BLTP1: variants seen among roughly 807,000 people sequenced by gnomAD.
The protein encoded by BLTP1 is bridge-like lipid transfer protein family member 1.
chr4:122,157,359 T>G, the BLTP1 span, among the ~76,000 whole-genome samples: 2 of 152,112 alleles, frequency 1.3e-5, no homozygotes, highest in African/African-American at 4.8e-5. Flanking sequence ...GTCCTCAACC[T>G]TTTTGGCACT....
At chr4:122,242,416 G>A in the BLTP1 span, among the ~76,000 whole-genome samples, 8 of 152,132 alleles carry the variant, frequency 5.3e-5, no homozygotes, top group Non-Finnish European at 1.0e-4. Flanking sequence ...TAGAATCTAA[G>A]CAAGCTCTTA....
At chr4:122,271,549 TGTG>T in the BLTP1 span, 10 of 1,613,448 alleles carry the variant, frequency 6.2e-6, no homozygotes, top group East Asian at 2.2e-5. Flanking sequence ...GTTCAAAAGA[TGTG>T]GTGGATCACA....
the BLTP1 span, chr4:122,161,004 C>T: frequency 1.4e-5 from 3 of 212,642 alleles, no homozygotes; most frequent in African/African-American, 7.1e-5. Context: ...TGTGATTGTG[C>T]AGAGTACATA....
chr4:122,300,946 A>C, the BLTP1 span: 1 of 983,656 alleles, frequency 1.0e-6, no homozygotes, highest in Non-Finnish European at 1.2e-6. Context: ...CTCTCTTAAT[A>C]GTAACTTCAC....
the BLTP1 span, among the ~76,000 whole-genome samples, chr4:122,308,348 C>A: frequency 2.0e-5 from 3 of 152,152 alleles, no homozygotes; most frequent in African/African-American, 7.2e-5. Context: ...TCTCATGGGA[C>A]TTTTCTCTGA....
chr4:122,292,626 G>GA, the BLTP1 span: 2 of 926,604 alleles, frequency 2.2e-6, no homozygotes, highest in African/African-American at 3.6e-5. Flanking sequence ...AGTGAAAATT[G>GA]AAAAAGAATC....
chr4:122,228,864 G>T, the BLTP1 span, among the ~76,000 whole-genome samples: 1 of 152,100 alleles, frequency 6.6e-6, no homozygotes, highest in African/African-American at 2.4e-5. Flanking sequence ...TCTATGTATT[G>T]TCCATTAGAC....
At chr4:122,185,956 G>A in the BLTP1 span, 3 of 1,117,746 alleles carry the variant, frequency 2.7e-6, no homozygotes, top group Non-Finnish European at 3.7e-6. Context: ...AATTACTTTG[G>A]GTGTATAAAA....
the BLTP1 span, among the ~76,000 whole-genome samples, chr4:122,290,444 G>A: frequency 6.6e-6 from 1 of 152,030 alleles, no homozygotes; most frequent in African/African-American, 2.4e-5. Context: ...ACTATATCAA[G>A]CTGGTAAACT....
At chr4:122,265,028 T>G in the BLTP1 span, among the ~76,000 whole-genome samples, 1 of 152,166 alleles carries the variant, frequency 6.6e-6, no homozygotes, top group Non-Finnish European at 1.5e-5. Flanking sequence ...CTCTTTGGTT[T>G]GAACAGCCAG....
chr4:122,272,187 G>A, the BLTP1 span: 2 of 1,613,076 alleles, frequency 1.2e-6, no homozygotes, highest in East Asian at 2.2e-5. Context: ...GAGCCAACAT[G>A]TAAAGTTGTG....
the BLTP1 span, chr4:122,169,922 G>A: frequency 7.2e-6 from 7 of 977,236 alleles, no homozygotes; most frequent in Middle Eastern, 5.3e-4. Flanking sequence ...AGCTTAATAT[G>A]ATAATATTAA....
the BLTP1 span, chr4:122,340,561 A>T: frequency 1.6e-5 from 3 of 186,016 alleles, no homozygotes; most frequent in African/African-American, 7.1e-5. Flanking sequence ...ATCTCTTAAC[A>T]CAGTATTTAC....
the BLTP1 span, chr4:122,349,347 A>G: frequency 6.3e-7 from 1 of 1,596,358 alleles, no homozygotes; most frequent in Non-Finnish European, 8.6e-7. The surrounding 1 kb of genome is among the most constrained non-coding windows in gnomAD (Gnocchi z 4.5). Context: ...GACCTAACAT[A>G]TCCTTAAGAT....
chr4:122,158,436 C>G, the BLTP1 span, among the ~76,000 whole-genome samples: 3 of 152,228 alleles, frequency 2.0e-5, no homozygotes, highest in South Asian at 6.2e-4. Flanking sequence ...GTAGTTAGCT[C>G]TCTCTGTCCT....
At chr4:122,240,192 CAG>C in the BLTP1 span, 11 of 1,614,096 alleles carry the variant, frequency 6.8e-6, no homozygotes, top group Non-Finnish European at 9.3e-6. Context: ...GAATTGTTAT[CAG>C]ACTTACCTTA....
chr4:122,270,627 A>G, the BLTP1 span, among the ~76,000 whole-genome samples: 2 of 138,778 alleles, frequency 1.4e-5, no homozygotes, highest in South Asian at 2.5e-4. Flanking sequence ...ATATGAATAT[A>G]TTAGATACAG....
At chr4:122,171,419 A>G in the BLTP1 span, among the ~76,000 whole-genome samples, 1 of 152,130 alleles carries the variant, frequency 6.6e-6, no homozygotes, top group Non-Finnish European at 1.5e-5. Context: ...ATTTTGGCAT[A>G]AGAATTGGAA....
At chr4:122,163,515 C>T in the BLTP1 span, among the ~76,000 whole-genome samples, 10 of 152,180 alleles carry the variant, frequency 6.6e-5, no homozygotes, top group Non-Finnish European at 1.2e-4. Flanking sequence ...GAGCAGGTTT[C>T]CTGTGTAGAG....
Sources: gnomAD v4.1 joint callset for allele counts (sites outside exome capture counted in the v4.1 genomes callset) on GRCh38, gnomAD v4.1.1 for gene constraint, Gnocchi (gnomAD v3.1) non-coding constraint, MANE v1.5 for transcripts, NCBI Gene and HGNC (gene_info 2026-07-23, HGNC 2026-07-21) for gene names.